Variants in ZNF710 observed in about 807,000 individuals in gnomAD.
The protein encoded by ZNF710 is zinc finger protein 710.
A neutral mutation model predicts 50.6 loss-of-function variants in ZNF710; 13 were observed. The observed-to-expected ratio is 0.26, with a 90% CI of 0.17 to 0.41. ZNF710 has a LOEUF of 0.41. Among genes scored for constraint, ZNF710 ranks in the 10% least tolerant of loss-of-function variants. ZNF710 has a pLI of 1.00. For missense variants in ZNF710, 721 were observed against 936.6 expected (o/e 0.77, Z 3.01); for synonymous variants, 383 against 397.0 (o/e 0.96, Z 0.42).
rs1446734790 is a variant in ZNF710 at position 90,034,975 on chromosome 15, G to T, written c.-28-32135G>T. ...CAGGGCTTCCCTGCTGGTAGAAGGG[G>T]TGTCTGGAGGGCCTCTGCCTTCCGT... is the stretch of plus-strand genomic sequence containing the variant. On this transcript the variant is annotated intron_variant, in intron 1 of 4. Transcript: ENST00000268154. This position sits in a 1 kb window ranked among gnomAD's most constrained non-coding sequence, Gnocchi z 4.0. Among the ~76,000 whole-genome samples the T allele has an allele frequency of 3.3e-5, 5 of 152,214 alleles. No homozygotes were observed. In the East Asian group the frequency reaches 9.6e-4, roughly 29 times the overall value.
intron 1 of ZNF710, among the ~76,000 whole-genome samples, chr15:90,027,371 G>T (rs926961579): frequency 1.3e-5 from 2 of 151,874 alleles, no homozygotes; most frequent in Non-Finnish European, 2.9e-5. Flanking sequence ...CCACCAACCC[G>T]GCTAATTCTT....
At chr15:90,054,459 G>A (rs2151511245) in intron 1 of ZNF710, among the ~76,000 whole-genome samples, 1 of 152,310 alleles carries the variant, frequency 6.6e-6, no homozygotes, top group African/African-American at 2.4e-5. Flanking sequence ...GCCCATCCCT[G>A]AGAGCTGAGG....
Position 90,040,794 on chromosome 15 carries a change from AAT to A in ZNF710, c.-28-26313_-28-26312del, listed in dbSNP as rs1899273163. Among the ~76,000 whole-genome samples the A allele has an allele frequency of 6.6e-6, 1 of 152,188 alleles. No homozygotes were observed. The highest frequency in any genetic ancestry group is 2.4e-5 in the African/African-American group (1 of 41,440). ...GTTATTTACGTCCATGTTCTGAAAT[AAT>A]ATGTTACTCCAGTGATTTCTTGATT... On this transcript the variant is annotated intron_variant, in intron 1 of 4. Coordinates refer to ENST00000268154, the MANE Select transcript of ZNF710 (RefSeq NM_198526.4). The surrounding 1 kb of genome is among the most constrained non-coding windows in gnomAD (Gnocchi z 4.6).
intron 1 of ZNF710, among the ~76,000 whole-genome samples, chr15:90,008,843 CA>C (rs1388669256): frequency 6.6e-6 from 1 of 151,956 alleles, no homozygotes; most frequent in Non-Finnish European, 1.5e-5. Context: ...ATATTAAATA[CA>C]TATGCTCTAT....
intron 1 of ZNF710, among the ~76,000 whole-genome samples, chr15:90,031,228 A>G (rs1898939449): frequency 1.3e-5 from 2 of 152,190 alleles, no homozygotes; most frequent in Admixed American, 1.3e-4. Flanking sequence ...AATCCAACAC[A>G]TTGATTGAAG....
intron 1 of ZNF710, among the ~76,000 whole-genome samples, chr15:90,058,468 C>T (rs1284439850): frequency 6.6e-6 from 1 of 152,022 alleles, no homozygotes; most frequent in Non-Finnish European, 1.5e-5. Context: ...CACTCTCCAT[C>T]TCACTTACCG....
At position 90,068,578 on chromosome 15, in the gene ZNF710, C is replaced by A; in HGVS notation, c.1441C>A (p.His481Asn). 1 of 1,601,010 alleles carries A rather than the reference C, an allele frequency of 6.2e-7. No homozygotes were observed. Among genetic ancestry groups the A allele is most frequent in the Non-Finnish European group, 8.5e-7 (1 of 1,176,448 alleles). ...CAGCCAGATTCACCACCTCAAGCAG[C>A]ACTCCCTCACCCACAAGGTAAGGCC... ...EFSQIHHLKQ[H>N]SLTHKGVKEF... Residue 481 changes from histidine to asparagine, a missense_variant, in exon 2 of 5, where the codon CAC becomes AAC. Transcript: ENST00000268154. This position sits in a 1 kb window ranked among gnomAD's most constrained non-coding sequence, Gnocchi z 5.0.
In ZNF710 at chr15:90,081,272, G is replaced by C. The variant is rs1900714744; in HGVS notation, c.*1443G>C. 1 of 129,822 alleles carries C rather than the reference G, an allele frequency of 7.7e-6. No homozygotes were observed. 8.0% of individuals were successfully genotyped at this position (129,822 alleles called of 1,614,324 possible). A position where few individuals can be genotyped will look rare whatever the true frequency, so the allele number is the denominator to read the frequency against. ...AGCTCCTGCCCCTGGAACCAGAGAT[G>C]ACAGGCCCAGGGCAGTGAAATAGCA... On this transcript the variant is annotated 3_prime_UTR_variant, in exon 5 of 5. Transcript: ENST00000268154.
rs563582656 is a variant in ZNF710, at chr15:90,030,975, C to G, written c.-29+29361C>G. Among the ~76,000 whole-genome samples the G allele has an allele frequency of 2.3e-4, 31 of 137,468 alleles. No individual in the cohort carries two copies. In the East Asian group the frequency reaches 6.3e-3, roughly 28 times the overall value. 90.2% of individuals were successfully genotyped at this position (137,468 alleles called of 152,430 possible). On this transcript the variant is annotated intron_variant, in intron 1 of 4. Coordinates refer to ENST00000268154, the MANE Select transcript of ZNF710 (RefSeq NM_198526.4). ...CGGAGCTTGCAGTGAGCCGAGATCCCGCCACTGCACTCCAGCCTGGGCGAC... is the reference window on the plus strand; with the variant it reads ...CGGAGCTTGCAGTGAGCCGAGATCCGGCCACTGCACTCCAGCCTGGGCGAC...
intron 1 of ZNF710, among the ~76,000 whole-genome samples, chr15:90,035,810 G>C (rs1258638216): frequency 6.6e-6 from 1 of 152,248 alleles, no homozygotes; most frequent in East Asian, 1.9e-4. Flanking sequence ...TTCAGGACCA[G>C]GTGTAAAATG....
At chr15:90,032,826 ACT>A (rs1300130332) in intron 1 of ZNF710, among the ~76,000 whole-genome samples, 2 of 151,610 alleles carry the variant, frequency 1.3e-5, no homozygotes, top group Non-Finnish European at 2.9e-5. Flanking sequence ...AGTCTTAGCT[ACT>A]CAGGAGGCTA....
chr15:90,052,066 C>G (rs146971747), intron 1 of ZNF710, among the ~76,000 whole-genome samples: 1,583 of 152,242 alleles, frequency 0.01, 17 homozygotes, highest in Non-Finnish European at 0.015. Flanking sequence ...TCATCTCCCC[C>G]TCCTCGGACC....
intron 1 of ZNF710, among the ~76,000 whole-genome samples, chr15:90,003,640 C>T (rs1898069999): frequency 6.6e-6 from 1 of 152,156 alleles, no homozygotes; most frequent in South Asian, 2.1e-4. Flanking sequence ...GTGATCAAAG[C>T]CGATGGGGCT....
At chr15:90,004,501 C>CA (rs1211073323) in intron 1 of ZNF710, among the ~76,000 whole-genome samples, 1 of 152,216 alleles carries the variant, frequency 6.6e-6, no homozygotes, top group Non-Finnish European at 1.5e-5. Flanking sequence ...CGGCAGGACT[C>CA]ATTATGTTGA....
At chr15:90,019,136 A>T (rs564226864) in intron 1 of ZNF710, among the ~76,000 whole-genome samples, 1 of 146,886 alleles carries the variant, frequency 6.8e-6, no homozygotes, top group Non-Finnish European at 1.5e-5. Flanking sequence ...ATATTTTTCA[A>T]TTTCAAAAGA....
At chr15:90,026,776 C>T (rs1024767044) in intron 1 of ZNF710, among the ~76,000 whole-genome samples, 8 of 152,060 alleles carry the variant, frequency 5.3e-5, no homozygotes, top group African/African-American at 1.7e-4. Context: ...AAAGTAAAAC[C>T]GTATTGTTTC....
chr15:90,030,777 G>A (rs1898917494), intron 1 of ZNF710, among the ~76,000 whole-genome samples: 1 of 152,076 alleles, frequency 6.6e-6, no homozygotes, highest in African/African-American at 2.4e-5. Flanking sequence ...AGCTCTTTGG[G>A]AGGCCGAGGC....
At chr15:90,030,536 A>G (rs1468017722) in intron 1 of ZNF710, among the ~76,000 whole-genome samples, 2 of 151,882 alleles carry the variant, frequency 1.3e-5, no homozygotes, top group Non-Finnish European at 2.9e-5. Flanking sequence ...AATGCTTATC[A>G]TGTGCCAGGC....
intron 1 of ZNF710, among the ~76,000 whole-genome samples, chr15:90,041,962 A>T (rs962532966): frequency 7.3e-6 from 1 of 137,790 alleles, no homozygotes; most frequent in African/African-American, 2.8e-5. Context: ...CAGTGGCATG[A>T]TCTCAGCTCA....
Sources: allele counts gnomAD v4.1 joint callset (sites outside exome capture counted in the v4.1 genomes callset), GRCh38; gene constraint gnomAD v4.1.1; non-coding constraint Gnocchi (gnomAD v3.1); transcripts MANE v1.5; gene names NCBI Gene and HGNC (gene_info 2026-07-23, HGNC 2026-07-21).